PNPLA8: variants seen among roughly 807,000 people sequenced by gnomAD.
PNPLA8 encodes patatin like domain 8, phospholipase A2.
Under a neutral mutation model 76.9 loss-of-function variants are expected in PNPLA8, and 39 were observed. That is an observed-to-expected ratio of 0.51 (90% CI 0.39 to 0.66). PNPLA8 has a LOEUF of 0.66. Ranked by LOEUF, PNPLA8 falls within the 30% of genes least tolerant of loss-of-function variation. PNPLA8 has a pLI of 0.00. For synonymous variants in PNPLA8, 301 were observed against 307.9 expected, an observed-to-expected ratio of 0.98 and a Z score of 0.24; for missense variants, 887 against 918.0, an observed-to-expected ratio of 0.97 and a Z score of 0.44.
intron 10 of PNPLA8, among the ~76,000 whole-genome samples, chr7:108,478,821 T>G (rs1860183321): frequency 6.6e-6 from 1 of 152,234 alleles, no homozygotes; most frequent in Non-Finnish European, 1.5e-5. Flanking sequence ...GAATGTCCTT[T>G]ACTCTAAATC....
chr7:108,502,630 G>T lies in PNPLA8; in HGVS notation c.1219C>A (p.Pro407Thr). 6.2e-7 allele frequency: 1 copy of T among 1,605,954 alleles called. No individual in the cohort carries two copies. Among genetic ancestry groups the T allele is most frequent in the Non-Finnish European group, 8.5e-7 (1 of 1,174,654 alleles). Residue 407 changes from proline (P) to threonine (T), a missense_variant, in exon 5 of 11, where the codon CCA (proline) becomes ACA (threonine). Coordinates refer to ENST00000257694, the MANE Select transcript of PNPLA8 (RefSeq NM_001256007.3). ...ATTTGTCTCAGTCGTAATAAATATG[G>T]AATAATTCTTTCCTATATTGAGAGA... ...KGVAVKERIIPYLLRLRQIKD... is the reference protein window; with the variant it reads ...KGVAVKERIITYLLRLRQIKD...
chr7:108,492,350 T>C (rs1225641288), intron 7 of PNPLA8, among the ~76,000 whole-genome samples: 1 of 152,232 alleles, frequency 6.6e-6, no homozygotes, highest in Non-Finnish European at 1.5e-5. Context: ...CAACCTGATC[T>C]ATACATTTCT....
chr7:108,516,462 C>A (rs1863350642), intron 2 of PNPLA8, among the ~76,000 whole-genome samples: 1 of 152,176 alleles, frequency 6.6e-6, no homozygotes, highest in Non-Finnish European at 1.5e-5. Flanking sequence ...AAACAGATTA[C>A]AGATCTAAAT....
chr7:108,496,830 T>C (rs1233366991), intron 6 of PNPLA8, 75 bp from the exon 7 acceptor site: 3 of 1,221,230 alleles, frequency 2.5e-6, no homozygotes, highest in Non-Finnish European at 3.4e-6. Context: ...TGAATCATAG[T>C]TTTGGCTTAA....
At chr7:108,511,480 T>A (rs559474746) in intron 4 of PNPLA8, among the ~76,000 whole-genome samples, 1 of 152,324 alleles carries the variant, frequency 6.6e-6, no homozygotes, top group South Asian at 2.1e-4. Context: ...AGCCATTATA[T>A]TTAAATTCCA....
rs201353226 is a variant in PNPLA8, at chr7:108,515,184, C to T, written c.308G>A (p.Arg103His). 3.1e-5 allele frequency: 50 copies of T among 1,605,826 alleles called. No individual in the cohort carries two copies. Among genetic ancestry groups the T allele is most frequent in the Admixed American group, 2.7e-4 (16 of 58,918 alleles). ...GLTKVNICMS[R>H]IKSTLNSVSK... ...AACAGAGTTCAAAGTACTTTTAATA[C>T]GGGACATACAAATGTTCACTTTTGT... Residue 103 changes from arginine to histidine, a missense_variant, in exon 3 of 11, where the codon CGT becomes CAT. Physicochemically the swap from Arg to His is conservative, Grantham distance 29. Transcript: ENST00000257694.
At position 108,514,682 on chromosome 7, in the gene PNPLA8, T is replaced by G. The variant is rs749947676; in HGVS notation, c.810A>C (p.Thr270=). 1.8e-5 allele frequency: 29 copies of G among 1,614,084 alleles called. No individual in the cohort carries two copies. In the South Asian group the frequency reaches 3.2e-4, roughly 18 times the overall value. ...SESVHTVDKP[T]SPSAIPDVLQ... Reference sequence around the variant, plus strand: ...GAACATCAGGTATCGCAGAAGGACTTGTAGGCTTGTCCACCGTATGTACAG... The same window carrying G: ...GAACATCAGGTATCGCAGAAGGACTGGTAGGCTTGTCCACCGTATGTACAG... The change falls in exon 3 of 11, where the codon ACA becomes ACC. Residue 270 remains threonine, a synonymous_variant. Transcript: ENST00000257694.
At position 108,472,279 on chromosome 7, in the gene PNPLA8, C is replaced by T; in HGVS notation, c.*122G>A. 3 of 682,024 alleles carry T rather than the reference C, an allele frequency of 4.4e-6. No homozygotes were observed. Among genetic ancestry groups the T allele is most frequent in the Non-Finnish European group, 7.4e-6 (3 of 405,144 alleles). The allele number at this position is 682,024 out of a possible 1,614,324, so 42.2% of individuals were successfully genotyped here. A position where few individuals can be genotyped will look rare whatever the true frequency, so the allele number is the denominator to read the frequency against. On this transcript the variant is annotated 3_prime_UTR_variant, in exon 11 of 11. Transcript: ENST00000257694. ...AAGCTGGTTGAAGCACCGTCTTTTT[C>T]AGGATTCTCCAGAATTCATACGTAT...
At chr7:108,493,089 G>A (rs1861301069) in intron 7 of PNPLA8, among the ~76,000 whole-genome samples, 1 of 152,180 alleles carries the variant, frequency 6.6e-6, no homozygotes, top group African/African-American at 2.4e-5. Context: ...AAACCACAGA[G>A]TCATGAGACT....
intron 5 of PNPLA8, among the ~76,000 whole-genome samples, chr7:108,498,035 C>A (rs1236291857): frequency 6.8e-6 from 1 of 146,640 alleles, no homozygotes; most frequent in African/African-American, 2.5e-5. Context: ...AAGAAGAAAT[C>A]CACTCAAATA....
chr7:108,490,443 A>C (rs1025382642), intron 8 of PNPLA8, among the ~76,000 whole-genome samples: 3 of 152,246 alleles, frequency 2.0e-5, no homozygotes, highest in Admixed American at 1.3e-4. Context: ...TAAGTGATGC[A>C]TGATTGTATT....
At chr7:108,474,557 T>C (rs1351392746) in intron 10 of PNPLA8, among the ~76,000 whole-genome samples, 1 of 152,210 alleles carries the variant, frequency 6.6e-6, no homozygotes, top group South Asian at 2.1e-4. Flanking sequence ...GAAAAATCAG[T>C]TGTATTTCTG....
Position 108,471,999 on chromosome 7 carries a change from A to T in PNPLA8, c.*402T>A, listed in dbSNP as rs2154514522. 6.5e-6 allele frequency: 1 copy of T among 153,194 alleles called. No individual in the cohort carries two copies. The highest frequency in any genetic ancestry group is 2.1e-4 in the South Asian group (1 of 4,848). 9.5% of individuals were successfully genotyped at this position (153,194 alleles called of 1,614,324 possible). A position where few individuals can be genotyped will look rare whatever the true frequency, so the allele number is the denominator to read the frequency against. ...TTTAAGAAGAAATTAGCTTTTCCAT[A>T]TGAAATAAAATCAATGATCACATAA... is the stretch of plus-strand genomic sequence containing the variant. On this transcript the variant is annotated 3_prime_UTR_variant, in exon 11 of 11. Coordinates refer to ENST00000257694, the MANE Select transcript of PNPLA8 (RefSeq NM_001256007.3).
At chr7:108,524,576 G>C (rs1863951553) in intron 1 of PNPLA8, among the ~76,000 whole-genome samples, 1 of 152,210 alleles carries the variant, frequency 6.6e-6, no homozygotes, top group South Asian at 2.1e-4. Context: ...TGAAATCCCA[G>C]CACTTTGGGA....
At chr7:108,486,954 C>T (rs1302012159) in intron 9 of PNPLA8, among the ~76,000 whole-genome samples, 3 of 151,910 alleles carry the variant, frequency 2.0e-5, no homozygotes, top group Non-Finnish European at 4.4e-5. Flanking sequence ...TTAAATGAGA[C>T]ATAATATAAA....
At chr7:108,497,301 C>T (rs1451782867) in intron 6 of PNPLA8, among the ~76,000 whole-genome samples, 182 bp downstream of exon 6, 2 of 152,184 alleles carry the variant, frequency 1.3e-5, no homozygotes, top group Non-Finnish European at 1.5e-5. Context: ...GTAGGACACA[C>T]TGCCACCTAG....
At chr7:108,492,965 C>A (rs879795990) in intron 7 of PNPLA8, among the ~76,000 whole-genome samples, 4 of 152,112 alleles carry the variant, frequency 2.6e-5, no homozygotes, top group Admixed American at 6.6e-5. Context: ...ACTCTGAAAC[C>A]ACAATGATGA....
chr7:108,513,984 T>C (rs926801922), intron 4 of PNPLA8, among the ~76,000 whole-genome samples, 160 bp downstream of exon 4: 3 of 152,216 alleles, frequency 2.0e-5, no homozygotes, highest in Non-Finnish European at 2.9e-5. Flanking sequence ...GCATAATGTA[T>C]GTCACAAAAT....
intron 5 of PNPLA8, among the ~76,000 whole-genome samples, chr7:108,498,198 A>G (rs182644947): frequency 4.1e-4 from 62 of 151,500 alleles, no homozygotes; most frequent in Middle Eastern, 3.5e-3. Context: ...GGAATGCCAT[A>G]CCTTGGTTTC....
Sources: allele counts gnomAD v4.1 joint callset (sites outside exome capture counted in the v4.1 genomes callset), GRCh38; gene constraint gnomAD v4.1.1; transcripts MANE v1.5; gene names NCBI Gene and HGNC (gene_info 2026-07-23, HGNC 2026-07-21).